Variants in ESRRG observed in about 807,000 individuals in gnomAD.
The protein encoded by ESRRG is estrogen related receptor gamma.
In ESRRG, 13 loss-of-function variants were observed where a neutral mutation model predicts 44.0. That is an observed-to-expected ratio of 0.30 (90% CI 0.19 to 0.47). The LOEUF (loss-of-function observed/expected upper bound fraction) is 0.47. Ranked by LOEUF, ESRRG falls within the 20% of genes least tolerant of loss-of-function variation. ESRRG has a pLI of 1.00. For synonymous variants in ESRRG, 215 were observed against 214.6 expected, an observed-to-expected ratio of 1.00 and a Z score of -0.02; for missense variants, 395 against 580.6, an observed-to-expected ratio of 0.68 and a Z score of 3.29.
intron 2 of ESRRG, among the ~76,000 whole-genome samples, chr1:216,793,564 C>T (rs1315763129): frequency 2.6e-5 from 4 of 152,152 alleles, no homozygotes; most frequent in Non-Finnish European, 4.4e-5. Context: ...CTTCAGATGA[C>T]TGCAGCCCTG....
chr1:216,679,941 C>T (rs1014988595), intron 1 of ESRRG, among the ~76,000 whole-genome samples: 1 of 152,062 alleles, frequency 6.6e-6, no homozygotes, highest in East Asian at 1.9e-4. Context: ...GTTGTCTCAT[C>T]GAAAATCTCA....
chr1:216,745,592 C>G (rs1224090028), intron 2 of ESRRG, among the ~76,000 whole-genome samples: 1 of 152,092 alleles, frequency 6.6e-6, no homozygotes, highest in Non-Finnish European at 1.5e-5. Context: ...GCTGAGGTTC[C>G]CCCTGCCCCC....
At chr1:216,730,608 G>A (rs1223065353) in intron 2 of ESRRG, among the ~76,000 whole-genome samples, 1 of 152,096 alleles carries the variant, frequency 6.6e-6, no homozygotes. Flanking sequence ...GGAACACAAT[G>A]AATATGTCTT....
chr1:216,702,342 G>A (rs1012528428), intron 1 of ESRRG, among the ~76,000 whole-genome samples: 18 of 152,128 alleles, frequency 1.2e-4, no homozygotes, highest in African/African-American at 4.1e-4. Context: ...ACAGCCAGTA[G>A]GCTGTGCTGA....
At chr1:216,672,011 A>T (rs1439079313) in intron 2 of ESRRG, among the ~76,000 whole-genome samples, 1 of 150,808 alleles carries the variant, frequency 6.6e-6, no homozygotes, top group African/African-American at 2.4e-5. Context: ...GTTCCCAAAA[A>T]AAAAGAAAAG....
intron 2 of ESRRG, among the ~76,000 whole-genome samples, chr1:216,913,079 G>A (rs1451676045): frequency 2.3e-5 from 3 of 128,862 alleles, no homozygotes; most frequent in African/African-American, 6.0e-5. Flanking sequence ...AACCGAGATC[G>A]CACTACTGCA....
intron 2 of ESRRG, among the ~76,000 whole-genome samples, chr1:216,785,381 C>T (rs896826505): frequency 2.6e-5 from 4 of 152,042 alleles, no homozygotes; most frequent in Admixed American, 2.6e-4. Flanking sequence ...AGACACGCAG[C>T]TTGCACCATC....
intron 5 of ESRRG, among the ~76,000 whole-genome samples, chr1:216,557,761 T>C (rs1250124635): frequency 6.6e-6 from 1 of 152,232 alleles, no homozygotes; most frequent in African/African-American, 2.4e-5. Context: ...CATGTATATG[T>C]ATTTATGCAG....
intron 5 of ESRRG, among the ~76,000 whole-genome samples, chr1:216,520,803 T>G (rs543093149): frequency 6.6e-6 from 1 of 152,278 alleles, no homozygotes; most frequent in Non-Finnish European, 1.5e-5. Context: ...TTTCTAGACA[T>G]TATTATCCAA....
chr1:217,027,064 A>G (rs11572423), intron 1 of ESRRG, among the ~76,000 whole-genome samples: 1 of 152,072 alleles, frequency 6.6e-6, no homozygotes, highest in Admixed American at 6.5e-5. Flanking sequence ...ATTGGCTGAA[A>G]TGATGTATCT....
chr1:216,840,148 A>T (rs6696375), intron 2 of ESRRG, among the ~76,000 whole-genome samples: 5,116 of 152,210 alleles, frequency 0.034, 302 homozygotes, highest in African/African-American at 0.11. Context: ...TACACTGAAA[A>T]TCTCTTGTTT....
At chr1:216,925,267 T>C (rs528082204) in intron 2 of ESRRG, among the ~76,000 whole-genome samples, 2 of 152,050 alleles carry the variant, frequency 1.3e-5, no homozygotes, top group African/African-American at 4.8e-5. Context: ...TGAAACCCCG[T>C]CTCTACTAAA....
chr1:217,068,259 T>G (rs907288049), intron 1 of ESRRG, among the ~76,000 whole-genome samples: 15 of 152,148 alleles, frequency 9.9e-5, no homozygotes, highest in Non-Finnish European at 1.5e-4. Flanking sequence ...CCTGTCTCCT[T>G]TCTTTAATTC....
intron 1 of ESRRG, among the ~76,000 whole-genome samples, chr1:217,128,958 G>C (rs1307414284): frequency 6.6e-6 from 1 of 152,022 alleles, no homozygotes; most frequent in Non-Finnish European, 1.5e-5. Context: ...GCAACATAAT[G>C]AGACCCCAGT....
At chr1:216,757,687 C>T (rs1415493548) in intron 2 of ESRRG, among the ~76,000 whole-genome samples, 1 of 152,028 alleles carries the variant, frequency 6.6e-6, no homozygotes. Flanking sequence ...AACAACCTTT[C>T]TATCTCAGGT....
chr1:216,940,028 C>A (rs1394784921), intron 1 of ESRRG, among the ~76,000 whole-genome samples: 1 of 152,000 alleles, frequency 6.6e-6, no homozygotes, highest in Non-Finnish European at 1.5e-5. Flanking sequence ...CCATATATAA[C>A]TTTCAGAAAA....
intron 1 of ESRRG, among the ~76,000 whole-genome samples, chr1:217,131,593 C>G (rs562430415): frequency 6.6e-6 from 1 of 152,136 alleles, no homozygotes; most frequent in Non-Finnish European, 1.5e-5. Flanking sequence ...AAAGTAAATG[C>G]TTTTATTTTA....
chr1:216,785,967 C>T (rs1208528099), intron 2 of ESRRG, among the ~76,000 whole-genome samples: 8 of 152,042 alleles, frequency 5.3e-5, no homozygotes, highest in African/African-American at 1.9e-4. Flanking sequence ...GATAACACAT[C>T]GCACGCCTAG....
rs934067346 is a variant in ESRRG at position 216,919,506 on chromosome 1, C to T, written c.-14+20076G>A. Among the ~76,000 whole-genome samples the T allele has an allele frequency of 3.3e-5, 5 of 152,120 alleles. No individual in the cohort carries two copies. The South Asian group carries it at 6.2e-4, about 19-fold the overall frequency. Reference sequence around the variant, plus strand: ...ATTTGAACACCAACCAGTATAAATCCGTTGCTAGGTTAACAATGTTTTCTA... The same window carrying T: ...ATTTGAACACCAACCAGTATAAATCTGTTGCTAGGTTAACAATGTTTTCTA... On this transcript the variant is annotated intron_variant, in intron 2 of 7. Transcript: ENST00000359162.
Sources: gnomAD v4.1 joint callset for allele counts (sites outside exome capture counted in the v4.1 genomes callset) on GRCh38, gnomAD v4.1.1 for gene constraint, MANE v1.5 for transcripts, NCBI Gene and HGNC (gene_info 2026-07-23, HGNC 2026-07-21) for gene names.